The following ACSM3 variants were observed in gnomAD, a reference collection of about 807,000 sequenced individuals.
The protein encoded by ACSM3 is acyl-coenzyme A synthetase ACSM3, mitochondrial.
ACSM3 carries 61 observed loss-of-function variants against 74.1 expected under a neutral mutation model. The ratio of observed to expected loss-of-function variants is 0.82; its 90% CI spans 0.67 to 1.02. ACSM3 has a LOEUF of 1.02. ACSM3 is among the 50% of genes least tolerant of loss of function. The pLI is 0.00. For missense variants in ACSM3, 660 were observed against 697.0 expected (o/e 0.95, Z 0.60); for synonymous variants, 213 against 241.5 (o/e 0.88, Z 1.09).
chr16:20,791,139 T>C (rs2080588002), intron 10 of ACSM3, among the ~76,000 whole-genome samples: 1 of 152,218 alleles, frequency 6.6e-6, no homozygotes. Context: ...TCATCTCTAA[T>C]CACAGTATAC....
At chr16:20,707,135 GGAGACAAGTCCATGT>G (rs2079730249) in intron 1 of ACSM3, among the ~76,000 whole-genome samples, 1 of 152,032 alleles carries the variant, frequency 6.6e-6, no homozygotes, top group South Asian at 2.1e-4. Flanking sequence ...GGAATAGCTG[GGAGACAAGTCCATGT>G]GAGTCCCCAG....
rs140927175 is a variant in ACSM3 at position 20,795,670 on chromosome 16, G to A, written c.1555-700G>A. On this transcript the variant is annotated intron_variant, in intron 12 of 13. Coordinates refer to ENST00000289416, the MANE Select transcript of ACSM3 (RefSeq NM_005622.4). ...GAAGCATCATTCCATAGCCAGCTCCGGGCTGGTAATCTGGCGTTGGAGGTA... is the reference window on the plus strand; with the variant it reads ...GAAGCATCATTCCATAGCCAGCTCCAGGCTGGTAATCTGGCGTTGGAGGTA... 4.6e-3 allele frequency among the ~76,000 whole-genome samples: 696 copies of A among 152,274 alleles called. 6 individuals are homozygous for A. Among genetic ancestry groups the A allele is most frequent in the African/African-American group, 0.016 (645 of 41,552 alleles).
intron 2 of ACSM3, among the ~76,000 whole-genome samples, chr16:20,774,337 G>A (rs2080229602): frequency 6.6e-6 from 1 of 151,464 alleles, no homozygotes; most frequent in African/African-American, 2.4e-5. Flanking sequence ...CGCCTCCCGG[G>A]TTCAAGCGAT....
chr16:20,780,574 A>G, intron 4 of ACSM3, 140 bp from the exon 5 acceptor site: 3 of 1,569,392 alleles, frequency 1.9e-6, no homozygotes, highest in Non-Finnish European at 2.6e-6. Flanking sequence ...GATGGCTTTT[A>G]CCCTGTAATT....
chr16:20,766,870 C>T (rs1186210337), intron 1 of ACSM3, among the ~76,000 whole-genome samples: 3 of 152,154 alleles, frequency 2.0e-5, no homozygotes, highest in African/African-American at 7.2e-5. Flanking sequence ...AGTGTGTATT[C>T]TGTGCTACCT....
intron 9 of ACSM3, among the ~76,000 whole-genome samples, chr16:20,788,860 G>A (rs1005338410): frequency 6.6e-6 from 1 of 152,018 alleles, no homozygotes; most frequent in African/African-American, 2.4e-5. Flanking sequence ...TAACTGGGTG[G>A]GAATTTATAT....
chr16:20,719,976 T>A (rs1431228256), intron 1 of ACSM3, among the ~76,000 whole-genome samples: 1 of 152,190 alleles, frequency 6.6e-6, no homozygotes, highest in Non-Finnish European at 1.5e-5. Flanking sequence ...TTTTCAACCA[T>A]GACAAATCAA....
chr16:20,705,290 G>A (rs2079723751), intron 1 of ACSM3, among the ~76,000 whole-genome samples: 1 of 149,412 alleles, frequency 6.7e-6, no homozygotes, highest in African/African-American at 2.5e-5. Context: ...GGAGAATGGT[G>A]TAAACCCGGG....
intron 1 of ACSM3, chr16:20,711,577 C>A: frequency 7.3e-7 from 1 of 1,371,986 alleles, no homozygotes; most frequent in Non-Finnish European, 1.0e-6. Context: ...GGAGGTGGTC[C>A]CAGTAGTGGA....
At chr16:20,732,389 G>C (rs747919234) in intron 1 of ACSM3, among the ~76,000 whole-genome samples, 9 of 152,154 alleles carry the variant, frequency 5.9e-5, no homozygotes, top group African/African-American at 2.2e-4. Context: ...ATGAACTTTT[G>C]ACTTTCAGAA....
intron 1 of ACSM3, among the ~76,000 whole-genome samples, chr16:20,716,569 G>A (rs1025740278): frequency 6.6e-6 from 1 of 152,144 alleles, no homozygotes; most frequent in East Asian, 1.9e-4. Context: ...GCAAGCAGCA[G>A]AGCATATTCT....
At chr16:20,779,625 C>G (rs900007677) in intron 4 of ACSM3, among the ~76,000 whole-genome samples, 4 of 152,060 alleles carry the variant, frequency 2.6e-5, no homozygotes, top group African/African-American at 9.7e-5. Context: ...TCCTTTGGAA[C>G]TAAAAGGTTT....
rs189437893 is a variant in ACSM3, at chr16:20,715,158, C to T, written c.-189-34752C>T. Among the ~76,000 whole-genome samples, 396 of 152,264 alleles carry T rather than the reference C, an allele frequency of 2.6e-3. 2 individuals carry two copies. The highest frequency in any genetic ancestry group is 4.8e-3 in the South Asian group (23 of 4,824). On this transcript the variant is annotated intron_variant, in intron 1 of 3. Coordinates refer to the ACSM3 transcript ENST00000561584. ...TATCAGATTCTGTGAAGAAATCCCC[C>T]TCTCTCTAGCCCAACACATACCAAT...
At chr16:20,683,709 C>T (rs1673057) in intron 1 of ACSM3, among the ~76,000 whole-genome samples, 82 of 115,904 alleles carry the variant, frequency 7.1e-4, no homozygotes, top group Non-Finnish European at 8.6e-4. Context: ...CTTTCTCTCT[C>T]TCTCTCTCTT....
intron 1 of ACSM3, among the ~76,000 whole-genome samples, chr16:20,696,151 G>C (rs74011825): frequency 0.048 from 7,309 of 152,238 alleles, 591 homozygotes; most frequent in African/African-American, 0.17. Context: ...AGAAGACTAT[G>C]CTTTGTGGGT....
At chr16:20,796,822 T>C (rs2080732263) in intron 13 of ACSM3, 64 bp from the exon 14 acceptor site, 5 of 1,600,096 alleles carry the variant, frequency 3.1e-6, no homozygotes, top group Non-Finnish European at 2.6e-6. Flanking sequence ...CAAACTGCTA[T>C]ATAATTGGCT....
At chr16:20,783,432 T>C (rs1451825809) in intron 7 of ACSM3, 1 of 152,174 alleles carries the variant, frequency 6.6e-6, no homozygotes, top group Non-Finnish European at 1.5e-5. Context: ...TGGGCTGCCC[T>C]AATCCAAAAA....
In ACSM3 at chr16:20,770,258, G is replaced by C. The variant is rs375627270; in HGVS notation, c.219+5G>C. ...CAATGGACTGATAAGGAAAAGGTATGGGGGGAGGGCCAGTCAGACCACAAT... is the reference window on the plus strand; with the variant it reads ...CAATGGACTGATAAGGAAAAGGTATCGGGGGAGGGCCAGTCAGACCACAAT... On this transcript the variant is annotated splice_donor_5th_base_variant and intron_variant, in intron 2 of 13. Transcript: ENST00000289416. The C allele has an allele frequency of 3.7e-6, 6 of 1,611,460 alleles. No homozygotes were observed. Among genetic ancestry groups the C allele is most frequent in the African/African-American group, 1.3e-5 (1 of 74,856 alleles).
At chr16:20,727,519 C>T (rs2079811004) in intron 1 of ACSM3, 2 of 325,508 alleles carry the variant, frequency 6.1e-6, no homozygotes, top group African/African-American at 2.3e-5. Flanking sequence ...CCTTTCTGCC[C>T]CAGGATTTTC....
Sources: gnomAD v4.1 joint callset for allele counts (sites outside exome capture counted in the v4.1 genomes callset) on GRCh38, gnomAD v4.1.1 for gene constraint, MANE v1.5 for transcripts, NCBI Gene and HGNC (gene_info 2026-07-23, HGNC 2026-07-21) for gene names.